The following RANBP17 variants were observed in gnomAD, a reference collection of about 807,000 sequenced individuals.
The protein encoded by RANBP17 is ran-binding protein 17.
In RANBP17, 158 loss-of-function variants were observed where a neutral mutation model predicts 141.2. The observed-to-expected ratio is 1.12, with a 90% CI of 0.98 to 1.28. The LOEUF (loss-of-function observed/expected upper bound fraction) is 1.28. Ranked by LOEUF, RANBP17 falls within the 50% of genes most tolerant of loss-of-function variation. The pLI is 0.00. For synonymous variants in RANBP17, 430 were observed against 450.0 expected (o/e 0.96, Z 0.56); for missense variants, 1,438 against 1,290.7 (o/e 1.11, Z -1.75).
intron 14 of RANBP17, among the ~76,000 whole-genome samples, chr5:171,034,009 G>T (rs2127622031): frequency 6.6e-6 from 1 of 152,298 alleles, no homozygotes; most frequent in South Asian, 2.1e-4. Flanking sequence ...CTTCTCAGGA[G>T]ACTGAAACAG....
intron 24 of RANBP17, among the ~76,000 whole-genome samples, chr5:171,260,809 G>T (rs1766263603): frequency 6.6e-6 from 1 of 151,968 alleles, no homozygotes. Context: ...GTCATAGCAG[G>T]GATGGATGCA....
chr5:171,242,712 C>A lies in RANBP17; in HGVS notation c.2668C>A (p.Pro890Thr). 6.2e-7 allele frequency: 1 copy of A among 1,613,638 alleles called. No homozygotes were observed. Among genetic ancestry groups the A allele is most frequent in the Non-Finnish European group, 8.5e-7 (1 of 1,179,820 alleles). ...QYRKLSQSYY[P>T]LLECLTQDHM... ...CCGGAAACTGAGCCAGTCTTATTAT[C>A]CACTCCTGGAATGTCTCACTCAGGA... Residue 890 changes from proline to threonine, a missense_variant, in exon 24 of 28, where the codon CCA (proline) becomes ACA (threonine). By Grantham distance (38) the Pro-to-Thr change is conservative. Coordinates refer to ENST00000523189, the MANE Select transcript of RANBP17 (RefSeq NM_022897.5).
chr5:171,024,344 G>T (rs919452110), intron 14 of RANBP17, among the ~76,000 whole-genome samples: 1 of 152,104 alleles, frequency 6.6e-6, no homozygotes, highest in Non-Finnish European at 1.5e-5. Context: ...TGGTCTGAGG[G>T]CCAGTGTCTG....
chr5:170,923,851 C>T (rs10074102), intron 11 of RANBP17, among the ~76,000 whole-genome samples: 93,040 of 151,858 alleles, frequency 0.61, 29,867 homozygotes, highest in South Asian at 0.89. Context: ...TATGCTATGA[C>T]CTTAGTTAAA....
chr5:171,150,044 A>G (rs866567617), intron 14 of RANBP17, among the ~76,000 whole-genome samples: 46 of 152,274 alleles, frequency 3.0e-4, no homozygotes, highest in African/African-American at 1.1e-3. Flanking sequence ...CTGTTTTGCT[A>G]AACACCTGCT....
chr5:170,921,494 T>G (rs1366191194), intron 11 of RANBP17, among the ~76,000 whole-genome samples: 2 of 151,712 alleles, frequency 1.3e-5, no homozygotes, highest in Admixed American at 6.6e-5. Context: ...ACTGTAGCCT[T>G]GTAGTATAGT....
At chr5:170,900,956 G>A (rs1770585690) in intron 5 of RANBP17, among the ~76,000 whole-genome samples, 1 of 152,164 alleles carries the variant, frequency 6.6e-6, no homozygotes, top group Non-Finnish European at 1.5e-5. Flanking sequence ...GAATAAGTGC[G>A]ATGTGGTTGT....
At chr5:170,889,427 T>C (rs549524189) in intron 3 of RANBP17, among the ~76,000 whole-genome samples, 8 of 152,270 alleles carry the variant, frequency 5.3e-5, no homozygotes, top group African/African-American at 1.7e-4. Context: ...ATTACTAAAA[T>C]ATATGATTTG....
At chr5:171,078,144 T>C (rs965850264) in intron 14 of RANBP17, among the ~76,000 whole-genome samples, 13 of 150,664 alleles carry the variant, frequency 8.6e-5, no homozygotes, top group Admixed American at 7.2e-4. Flanking sequence ...CTTTTTTTTT[T>C]TTTTTTTGAG....
At chr5:171,282,010 T>C (rs926865934) in intron 25 of RANBP17, among the ~76,000 whole-genome samples, 5 of 152,082 alleles carry the variant, frequency 3.3e-5, no homozygotes, top group Admixed American at 2.0e-4. Flanking sequence ...GGAAAGAAAC[T>C]CAAGTGATTT....
chr5:170,903,330 C>T (rs149382944), intron 5 of RANBP17, among the ~76,000 whole-genome samples: 3,723 of 152,288 alleles, frequency 0.024, 137 homozygotes, highest in African/African-American at 0.085. Context: ...GGACGCCCCT[C>T]CCCCCACCAA....
chr5:171,050,302 T>C (rs2127650841), intron 14 of RANBP17, among the ~76,000 whole-genome samples: 1 of 152,322 alleles, frequency 6.6e-6, no homozygotes, highest in East Asian at 1.9e-4. Context: ...ATTCAACTTT[T>C]CACAATCTAC....
chr5:171,239,877 C>T (rs1372282376), intron 22 of RANBP17, among the ~76,000 whole-genome samples: 4 of 152,166 alleles, frequency 2.6e-5, no homozygotes, highest in Admixed American at 6.5e-5. Context: ...CTACCTGTTA[C>T]TCTTACCACC....
At chr5:171,034,881 A>G (rs1048254767) in intron 14 of RANBP17, among the ~76,000 whole-genome samples, 1 of 152,126 alleles carries the variant, frequency 6.6e-6, no homozygotes, top group African/African-American at 2.4e-5. Flanking sequence ...CAGTGTTGCC[A>G]TCATGGCTCA....
intron 22 of RANBP17, among the ~76,000 whole-genome samples, chr5:171,238,364 G>A (rs1764669899): frequency 7.6e-6 from 1 of 131,822 alleles, no homozygotes; most frequent in African/African-American, 2.8e-5. Flanking sequence ...TATTAACATA[G>A]AGATAACAGT....
chr5:170,923,284 T>C (rs938340459), intron 11 of RANBP17, among the ~76,000 whole-genome samples: 4 of 152,214 alleles, frequency 2.6e-5, no homozygotes, highest in Admixed American at 2.0e-4. Context: ...TTGAATTGTT[T>C]TTACACTTTT....
At chr5:171,000,685 A>G (rs1296203906) in intron 14 of RANBP17, among the ~76,000 whole-genome samples, 1 of 152,150 alleles carries the variant, frequency 6.6e-6, no homozygotes, top group African/African-American at 2.4e-5. Flanking sequence ...AGAGTCAGCA[A>G]AGCTTGGTGG....
At chr5:170,872,055 G>A (rs1767779543) in intron 1 of RANBP17, among the ~76,000 whole-genome samples, 1 of 152,156 alleles carries the variant, frequency 6.6e-6, no homozygotes, top group Admixed American at 6.6e-5. Flanking sequence ...ATTCTGTGAA[G>A]AATGTCAATG....
At chr5:171,250,675 C>T (rs1765500481) in intron 24 of RANBP17, among the ~76,000 whole-genome samples, 1 of 151,876 alleles carries the variant, frequency 6.6e-6, no homozygotes, top group African/African-American at 2.4e-5. Flanking sequence ...AAAACAAAAG[C>T]GAACAGGAAT....
Sources: gnomAD v4.1 joint callset for allele counts (sites outside exome capture counted in the v4.1 genomes callset) on GRCh38, gnomAD v4.1.1 for gene constraint, MANE v1.5 for transcripts, NCBI Gene and HGNC (gene_info 2026-07-23, HGNC 2026-07-21) for gene names.